The following CDC14A variants were observed in gnomAD, a reference collection of about 807,000 sequenced individuals.
CDC14A encodes the protein cell division cycle 14A, also known as dual specificity protein phosphatase CDC14A.
A neutral mutation model predicts 74.4 loss-of-function variants in CDC14A; 53 were observed. The observed-to-expected ratio is 0.71, with a 90% CI of 0.57 to 0.89. CDC14A has a LOEUF of 0.89. CDC14A is among the 40% of genes least tolerant of loss of function. The probability of loss-of-function intolerance (pLI) is 0.00; values close to 1 mark genes in which losing one functional copy is unlikely to be tolerated. For missense variants in CDC14A, 646 were observed against 713.7 expected (o/e 0.91, Z 1.08); for synonymous variants, 247 against 258.4 (o/e 0.96, Z 0.43).
At chr1:100,352,503 C>A (rs910554158), upstream of CDC14A, 7 of 1,032,616 alleles carry the variant, frequency 6.8e-6, no homozygotes, top group Non-Finnish European at 8.1e-6. Context: ...AAGGAGGATC[C>A]GGAGCAGCTG....
At chr1:100,429,054 A>G (rs941352320) in intron 5 of CDC14A, among the ~76,000 whole-genome samples, 1 of 151,978 alleles carries the variant, frequency 6.6e-6, no homozygotes, top group Non-Finnish European at 1.5e-5. Context: ...TACAAAAAAA[A>G]GTAGCCAGCC....
chr1:100,503,914 C>A (rs1649002929), intron 15 of CDC14A, among the ~76,000 whole-genome samples: 1 of 152,220 alleles, frequency 6.6e-6, no homozygotes, highest in Admixed American at 6.5e-5. Context: ...TAGTCATCTA[C>A]ATTGACCTTA....
intron 6 of CDC14A, 49 bp from the exon 7 acceptor site, chr1:100,442,885 A>G: frequency 8.4e-7 from 1 of 1,185,556 alleles, no homozygotes; most frequent in South Asian, 1.2e-5. Flanking sequence ...AATGATGAGT[A>G]GAGTTTATCA....
intron 2 of CDC14A, among the ~76,000 whole-genome samples, chr1:100,372,791 A>G (rs1417266754): frequency 6.6e-6 from 1 of 152,184 alleles, no homozygotes; most frequent in African/African-American, 2.4e-5. Flanking sequence ...CTTAAACCTT[A>G]TGAACCAACC....
At chr1:100,435,620 G>A (rs921993542) in intron 5 of CDC14A, among the ~76,000 whole-genome samples, 1 of 152,076 alleles carries the variant, frequency 6.6e-6, no homozygotes, top group Non-Finnish European at 1.5e-5. Flanking sequence ...CCTGAGGTCA[G>A]GAGTTCGAGA....
At chr1:100,376,881 A>G (rs926653471) in intron 2 of CDC14A, among the ~76,000 whole-genome samples, 6 of 152,198 alleles carry the variant, frequency 3.9e-5, no homozygotes, top group Non-Finnish European at 7.4e-5. Flanking sequence ...GATTATGACT[A>G]AAATATATGA....
chr1:100,515,173 C>T (rs923020108), intron 15 of CDC14A, among the ~76,000 whole-genome samples: 1 of 152,100 alleles, frequency 6.6e-6, no homozygotes, highest in Non-Finnish European at 1.5e-5. Context: ...CTTGAGGTTT[C>T]CTCAACTGTG....
At chr1:100,384,552 C>T (rs541173440) in intron 3 of CDC14A, among the ~76,000 whole-genome samples, 1 of 152,244 alleles carries the variant, frequency 6.6e-6, no homozygotes, top group African/African-American at 2.4e-5. Flanking sequence ...GGTTTCTTCT[C>T]CCCTTGTCAC....
chr1:100,370,506 A>T (rs1380987700), intron 2 of CDC14A, among the ~76,000 whole-genome samples: 1 of 152,086 alleles, frequency 6.6e-6, no homozygotes, highest in Non-Finnish European at 1.5e-5. Flanking sequence ...TAGATAGGAG[A>T]CCAGTTTCAT....
At chr1:100,420,063 C>CACACACATATATATATATATAT in intron 4 of CDC14A, among the ~76,000 whole-genome samples, 12 of 61,592 alleles carry the variant, frequency 1.9e-4, no homozygotes, top group African/African-American at 2.8e-4. Flanking sequence ...CACACACACA[C>CACACACATATATATATATATAT]ATATATATAT....
chr1:100,412,704 A>ATATATATATATACATATTT, intron 4 of CDC14A, among the ~76,000 whole-genome samples: 2 of 100,848 alleles, frequency 2.0e-5, no homozygotes, highest in East Asian at 5.3e-4. Context: ...TTTTATATAT[A>ATATATATATATACATATTT]TATATATATA....
At chr1:100,432,719 A>C (rs181274562) in intron 5 of CDC14A, among the ~76,000 whole-genome samples, 1 of 152,164 alleles carries the variant, frequency 6.6e-6, no homozygotes, top group African/African-American at 2.4e-5. Flanking sequence ...ACACTACTAA[A>C]ATTTACTTTT....
At chr1:100,422,693 C>T (rs968232682) in intron 4 of CDC14A, among the ~76,000 whole-genome samples, 1 of 152,206 alleles carries the variant, frequency 6.6e-6, no homozygotes, top group Non-Finnish European at 1.5e-5. Context: ...GTTTCACACT[C>T]AATAAGCTTT....
At chr1:100,442,764 T>C (rs1327421405) in intron 6 of CDC14A, among the ~76,000 whole-genome samples, 170 bp from the exon 7 acceptor site, 1 of 152,132 alleles carries the variant, frequency 6.6e-6, no homozygotes, top group African/African-American at 2.4e-5. Flanking sequence ...ACAGTCTTAA[T>C]GCAATATAAC....
chr1:100,510,551 C>T (rs1236003404), intron 15 of CDC14A, among the ~76,000 whole-genome samples: 1 of 152,100 alleles, frequency 6.6e-6, no homozygotes, highest in East Asian at 1.9e-4. Context: ...TGCCTGTTTC[C>T]CCAGCCATCT....
At chr1:100,420,452 C>T (rs1237734558) in intron 4 of CDC14A, among the ~76,000 whole-genome samples, 1 of 151,944 alleles carries the variant, frequency 6.6e-6, no homozygotes, top group African/African-American at 2.4e-5. Flanking sequence ...CAGATGAATT[C>T]TAAGAGGATT....
intron 6 of CDC14A, among the ~76,000 whole-genome samples, chr1:100,441,891 T>C (rs1664971945): frequency 6.6e-6 from 1 of 152,180 alleles, no homozygotes; most frequent in Non-Finnish European, 1.5e-5. Context: ...TGATGGCGCA[T>C]GTTCTGTGTT....
At chr1:100,455,383 T>C (rs576041953) in intron 7 of CDC14A, 22 bp from the exon 8 acceptor site, 11 of 1,525,536 alleles carry the variant, frequency 7.2e-6, no homozygotes, top group Middle Eastern at 1.7e-4. Context: ...TTTTCTTCTC[T>C]TTTCTTACAA....
intron 5 of CDC14A, among the ~76,000 whole-genome samples, chr1:100,437,130 G>A (rs1050613830): frequency 7.2e-5 from 11 of 152,164 alleles, no homozygotes; most frequent in African/African-American, 2.7e-4. Flanking sequence ...AGGCTGCAGT[G>A]AGCCAAGATC....
Sources: gnomAD v4.1 joint callset for allele counts (sites outside exome capture counted in the v4.1 genomes callset) on GRCh38, gnomAD v4.1.1 for gene constraint, MANE v1.5 for transcripts, NCBI Gene and HGNC (gene_info 2026-07-23, HGNC 2026-07-21) for gene names.